The following DNER variants were observed in gnomAD, a reference collection of about 807,000 sequenced individuals.
DNER encodes the protein delta/notch like EGF repeat containing.
A neutral mutation model predicts 78.2 loss-of-function variants in DNER; 33 were observed. The ratio of observed to expected loss-of-function variants is 0.42; its 90% CI spans 0.32 to 0.56. DNER has a LOEUF of 0.56. Ranked by LOEUF, DNER falls within the 20% of genes least tolerant of loss-of-function variation. The probability of loss-of-function intolerance (pLI) is 0.11; values close to 1 mark genes in which losing one functional copy is unlikely to be tolerated. For synonymous variants in DNER, 417 were observed against 384.8 expected, an observed-to-expected ratio of 1.08 and a Z score of -0.98; for missense variants, 918 against 975.3, an observed-to-expected ratio of 0.94 and a Z score of 0.78.
intron 11 of DNER, among the ~76,000 whole-genome samples, chr2:229,378,337 A>C (rs1276062352): frequency 1.3e-5 from 2 of 152,340 alleles, no homozygotes; most frequent in Admixed American, 6.5e-5. Context: ...CAGGGAAGGC[A>C]CCTTTGAACT....
At chr2:229,653,805 G>T (rs889234439) in intron 1 of DNER, among the ~76,000 whole-genome samples, 1 of 152,002 alleles carries the variant, frequency 6.6e-6, no homozygotes, top group African/African-American at 2.4e-5. Context: ...TAAGCCTTAG[G>T]CCATCTGATT....
chr2:229,518,953 C>CT (rs11441895), intron 5 of DNER, among the ~76,000 whole-genome samples: 101,384 of 145,284 alleles, frequency 0.7, 35,520 homozygotes, highest in South Asian at 0.82. Context: ...TGCGATTACT[C>CT]TTTTTTTTTT....
At chr2:229,625,144 G>A (rs1574933589) in intron 1 of DNER, among the ~76,000 whole-genome samples, 1 of 152,194 alleles carries the variant, frequency 6.6e-6, no homozygotes, top group South Asian at 2.1e-4. Context: ...TAGAAATTGC[G>A]ATCAAATCAA....
At chr2:229,580,673 C>CA (rs942581474) in intron 4 of DNER, among the ~76,000 whole-genome samples, 18 of 152,142 alleles carry the variant, frequency 1.2e-4, no homozygotes, top group African/African-American at 3.9e-4. Flanking sequence ...ATGGAGGTAA[C>CA]AAAACGAACC....
intron 9 of DNER, among the ~76,000 whole-genome samples, chr2:229,409,851 C>G (rs1693471032): frequency 6.6e-6 from 1 of 152,176 alleles, no homozygotes; most frequent in African/African-American, 2.4e-5. Flanking sequence ...ATATCGTAAA[C>G]CTTGCTAATC....
chr2:229,714,266 C>A lies in DNER; in HGVS notation c.158G>T (p.Cys53Phe), dbSNP rs1052019909. ...CGAGGTGCACACACCCCCATTCCGG[C>A]AGGGCTGCGCGGCGCACGGCCCGGG... ...SAPGPCAAQP[C>F]RNGGVCTSRP... Residue 53 changes from cysteine (C) to phenylalanine (F), a missense_variant, in exon 1 of 13, where the codon TGC (cysteine) becomes TTC (phenylalanine). Transcript: ENST00000341772. 1.3e-5 allele frequency: 18 copies of A among 1,393,744 alleles called. No homozygotes were observed. The highest frequency in any genetic ancestry group is 1.5e-5 in the Non-Finnish European group (16 of 1,074,818). The allele number at this position is 1,393,744 out of a possible 1,614,324, so 86.3% of individuals were successfully genotyped here.
intron 1 of DNER, among the ~76,000 whole-genome samples, chr2:229,628,931 C>T (rs1366294260): frequency 6.6e-6 from 1 of 152,178 alleles, no homozygotes; most frequent in African/African-American, 2.4e-5. Flanking sequence ...ATATTTTCAC[C>T]CTAATCTTAA....
chr2:229,684,099 A>AGAGTGT (rs1553552156), intron 1 of DNER, among the ~76,000 whole-genome samples: 1 of 83,116 alleles, frequency 1.2e-5, no homozygotes, highest in Non-Finnish European at 3.0e-5. Context: ...AGTACCTACC[A>AGAGTGT]GAGTGTGTGT....
intron 1 of DNER, among the ~76,000 whole-genome samples, chr2:229,616,172 A>G (rs2154215341): frequency 6.6e-6 from 1 of 152,304 alleles, no homozygotes; most frequent in Non-Finnish European, 1.5e-5. Context: ...ATGCTCATGA[A>G]GTTTCTCTGG....
At chr2:229,416,145 ATCTTTTCTCCATGTTTCCTG>A (rs1444885239) in intron 9 of DNER, among the ~76,000 whole-genome samples, 1 of 152,018 alleles carries the variant, frequency 6.6e-6, no homozygotes, top group African/African-American at 2.4e-5. Flanking sequence ...GATCTCTCAA[ATCTTTTCTCCATGTTTCCTG>A]TCTTTTCACT....
At chr2:229,539,648 T>A (rs989602053) in intron 5 of DNER, among the ~76,000 whole-genome samples, 2 of 152,222 alleles carry the variant, frequency 1.3e-5, no homozygotes, top group Non-Finnish European at 2.9e-5. Context: ...CTTTTATTTG[T>A]TTTTCTCGTC....
chr2:229,530,366 A>G (rs1696279959), intron 5 of DNER, among the ~76,000 whole-genome samples: 1 of 152,214 alleles, frequency 6.6e-6, no homozygotes, highest in Admixed American at 6.5e-5. Context: ...CACATTTGCC[A>G]GGGCCTCTTC....
intron 4 of DNER, among the ~76,000 whole-genome samples, chr2:229,573,956 G>T (rs1167489934): frequency 6.6e-6 from 1 of 152,182 alleles, no homozygotes; most frequent in Non-Finnish European, 1.5e-5. Context: ...TGCTTAAGGA[G>T]ATTTGCACTG....
chr2:229,480,196 C>T (rs1695126391), intron 6 of DNER, among the ~76,000 whole-genome samples: 1 of 152,176 alleles, frequency 6.6e-6, no homozygotes, highest in Non-Finnish European at 1.5e-5. Context: ...AGGTTATAAA[C>T]CTCATGTGTC....
chr2:229,536,310 C>T (rs756588209), intron 5 of DNER, among the ~76,000 whole-genome samples: 7 of 152,292 alleles, frequency 4.6e-5, no homozygotes, highest in Middle Eastern at 3.4e-3. Context: ...GCAGCAGGGA[C>T]GCATCCGTGT....
chr2:229,557,566 C>T (rs1023969386), intron 4 of DNER, among the ~76,000 whole-genome samples: 1 of 151,828 alleles, frequency 6.6e-6, no homozygotes, highest in African/African-American at 2.4e-5. Flanking sequence ...AATGAAGGTG[C>T]CCCAATAAAG....
chr2:229,677,006 A>G lies in DNER; in HGVS notation c.276+37142T>C, dbSNP rs183556015. Among the ~76,000 whole-genome samples, 4 of 152,218 alleles carry G rather than the reference A, an allele frequency of 2.6e-5. No homozygotes were observed. The East Asian group carries it at 7.7e-4, about 29-fold the overall frequency. ...GCTCACTTAGTATGTGATGTTACCT[A>G]CAGAATTCTTGCTCTTCCCACTCTG... is the stretch of plus-strand genomic sequence containing the variant. On this transcript the variant is annotated intron_variant, in intron 1 of 12. Coordinates refer to ENST00000341772, the MANE Select transcript of DNER (RefSeq NM_139072.4).
chr2:229,658,137 T>C (rs1322834765), intron 1 of DNER, among the ~76,000 whole-genome samples: 3 of 152,192 alleles, frequency 2.0e-5, no homozygotes, highest in Non-Finnish European at 4.4e-5. Context: ...GGGGTCATAT[T>C]ACCTTAATTG....
chr2:229,585,830 T>A, intron 4 of DNER, 28 bp downstream of exon 4: 2 of 1,613,262 alleles, frequency 1.2e-6, no homozygotes, highest in South Asian at 1.1e-5. Context: ...TCAGATGCAG[T>A]GTTGAGTAGA....
Sources: allele counts gnomAD v4.1 joint callset (sites outside exome capture counted in the v4.1 genomes callset), GRCh38; gene constraint gnomAD v4.1.1; transcripts MANE v1.5; gene names NCBI Gene and HGNC (gene_info 2026-07-23, HGNC 2026-07-21).